The following SMTN variants were observed in gnomAD, a reference collection of about 807,000 sequenced individuals.
SMTN encodes the protein smoothelin.
Under a neutral mutation model 102.0 loss-of-function variants are expected in SMTN, and 58 were observed. That is an observed-to-expected ratio of 0.57 (90% CI 0.46 to 0.71). The LOEUF is 0.71. Among genes scored for constraint, SMTN ranks in the 30% least tolerant of loss-of-function variants. The pLI, the probability that SMTN is intolerant of heterozygous loss-of-function variation, is 0.00. For missense variants in SMTN, 1,185 were observed against 1,241.7 expected (o/e 0.95, Z 0.69); for synonymous variants, 478 against 497.9 (o/e 0.96, Z 0.53).
intron 11 of SMTN, chr22:31,093,410 G>T: frequency 2.2e-6 from 1 of 445,308 alleles, no homozygotes; most frequent in South Asian, 2.1e-5. Flanking sequence ...CCCTGCCACT[G>T]CCCCACCATT....
intron 2 of SMTN, among the ~76,000 whole-genome samples, chr22:31,085,974 C>G (rs556536385): frequency 6.6e-6 from 1 of 152,338 alleles, no homozygotes; most frequent in Non-Finnish European, 1.5e-5. Context: ...GAATGGGGAC[C>G]TAGGAGACAA....
Position 31,091,842 on chromosome 22 carries a change from A to G in SMTN, c.1627A>G (p.Ile543Val). ...APPSSRGGCS[I>V]KMEAEPAEPL... Reference sequence around the variant, plus strand: ...CCCCAGTAGCCGAGGAGGCTGCAGCATCAAGGTGAGCCCCTCCTCACCCCA... The same window carrying G: ...CCCCAGTAGCCGAGGAGGCTGCAGCGTCAAGGTGAGCCCCTCCTCACCCCA... Residue 543 changes from isoleucine to valine, a missense_variant, in exon 11 of 21, where the codon ATC (isoleucine) becomes GTC (valine). By Grantham distance (29) the Ile-to-Val change is conservative. This residue lies in a region of SMTN where 1,096 missense variants were observed against 1,112.7 expected (regional missense o/e 0.98). Transcript: ENST00000333137. The G allele has an allele frequency of 6.3e-7, 1 of 1,584,782 alleles. No homozygotes were observed. The highest frequency in any genetic ancestry group is 2.3e-5 in the East Asian group (1 of 43,364).
In SMTN at chr22:31,099,468, G is replaced by A. The variant is rs1223628082; in HGVS notation, c.2452-277G>A. On this transcript the variant is annotated intron_variant, in intron 18 of 20. Transcript: ENST00000333137. ...CTTGTTGCTCTGTAGGAGGCCCTGA[G>A]TCAATTTCTCTAAATGAGGGAAGGA... 6.3e-5 allele frequency: 37 copies of A among 584,986 alleles called. No individual in the cohort carries two copies. The South Asian group carries it at 7.7e-4, about 12-fold the overall frequency. 36.2% of individuals were successfully genotyped at this position (584,986 alleles called of 1,614,324 possible).
In SMTN at chr22:31,081,320, A is replaced by C. The variant is rs1255436699; in HGVS notation, c.-217A>C. The C allele has an allele frequency of 1.3e-5, 2 of 152,270 alleles. No individual in the cohort carries two copies. Among genetic ancestry groups the C allele is most frequent in the African/African-American group, 4.8e-5 (2 of 41,446 alleles). The allele number at this position is 152,270 out of a possible 1,614,324, so 9.4% of individuals were successfully genotyped here. A position where few individuals can be genotyped will look rare whatever the true frequency, so the allele number is the denominator to read the frequency against. On this transcript the variant is annotated 5_prime_UTR_variant, in exon 1 of 21. Transcript: ENST00000333137. ...CGCGGCTGGACGGGCAGCTCTCCGC[A>C]GAATCCAGGGGACGGTTGCTGAGCG...
rs369965551 is a variant in SMTN at position 31,088,544 on chromosome 22, G to T, written c.232G>T (p.Ala78Ser). 4 of 1,613,606 alleles carry T rather than the reference G, an allele frequency of 2.5e-6. No homozygotes were observed. The African/African-American group carries it at 5.3e-5, about 22-fold the overall frequency. Residue 78 changes from alanine to serine, a missense_variant, in exon 4 of 21, where the codon GCC becomes TCC. Ala to Ser is a moderately conservative substitution (Grantham distance 99, BLOSUM62 1). This residue lies in a region of SMTN where 1,096 missense variants were observed against 1,112.7 expected (regional missense o/e 0.98). Transcript: ENST00000333137. ...GCAGCGGGAAGCTGAGCAGCGGGCTGCCCTGGCACGGCTGGCAGGGCAGCT... is the reference window on the plus strand; with the variant it reads ...GCAGCGGGAAGCTGAGCAGCGGGCTTCCCTGGCACGGCTGGCAGGGCAGCT... ...SQQREAEQRA[A>S]LARLAGQLES... is the part of the protein sequence containing the mutation.
chr22:31,079,136 C>T (rs1035602581), upstream of SMTN, among the ~76,000 whole-genome samples: 4 of 152,346 alleles, frequency 2.6e-5, no homozygotes, highest in African/African-American at 9.6e-5. Context: ...GGGAGCCCCA[C>T]GTCTGACATG....
At chr22:31,091,963 C>T (rs957868488) in intron 11 of SMTN, 116 bp downstream of exon 11, 7 of 1,056,534 alleles carry the variant, frequency 6.6e-6, no homozygotes, top group African/African-American at 3.2e-5. Context: ...ACAGAGAAAC[C>T]GAGGCCCAGA....
intron 17 of SMTN, 66 bp downstream of exon 17, chr22:31,098,906 G>C: frequency 6.4e-7 from 1 of 1,556,138 alleles, no homozygotes; most frequent in Non-Finnish European, 8.7e-7. Flanking sequence ...GGCGGGGCTT[G>C]ATAGTTGGCC....
intron 11 of SMTN, chr22:31,093,822 T>C: frequency 6.3e-7 from 1 of 1,592,706 alleles, no homozygotes; most frequent in Non-Finnish European, 8.5e-7. Flanking sequence ...CCCACCCACC[T>C]GCCTTCAGCA....
chr22:31,064,661 G>A (rs2041800791), intron 1 of SMTN: 1 of 151,990 alleles, frequency 6.6e-6, no homozygotes, highest in Non-Finnish European at 1.5e-5. Context: ...CCTAGCTATA[G>A]TTTTCAAAAT....
At chr22:31,097,611 C>T (rs2043698500) in intron 16 of SMTN, among the ~76,000 whole-genome samples, 2 of 151,872 alleles carry the variant, frequency 1.3e-5, no homozygotes, top group Admixed American at 1.3e-4. Context: ...GGCCGAGGCA[C>T]AAGAATCACT....
upstream of SMTN, among the ~76,000 whole-genome samples, chr22:31,076,355 C>G (rs577476275): frequency 7.2e-5 from 11 of 152,346 alleles, no homozygotes; most frequent in East Asian, 2.1e-3. Context: ...CCGCTGTCTA[C>G]AGGTCTTCAT....
intron 1 of SMTN, among the ~76,000 whole-genome samples, chr22:31,074,627 TA>T (rs1223361259): frequency 6.6e-6 from 1 of 152,048 alleles, no homozygotes; most frequent in African/African-American, 2.4e-5. Context: ...CTGTCTCTAC[TA>T]AAAATATATA....
At chr22:31,078,504 AG>A (rs1334915307), upstream of SMTN, among the ~76,000 whole-genome samples, 1 of 152,228 alleles carries the variant, frequency 6.6e-6, no homozygotes, top group Non-Finnish European at 1.5e-5. Flanking sequence ...CTCATTTTAC[AG>A]GGGGCAGGCT....
chr22:31,091,568 C>G, intron 10 of SMTN, 86 bp downstream of exon 10: 1 of 1,508,520 alleles, frequency 6.6e-7, no homozygotes, highest in Non-Finnish European at 8.9e-7. Flanking sequence ...GGCCAGGACT[C>G]AGGGTGTCTC....
chr22:31,077,865 T>G (rs1052564572), upstream of SMTN, among the ~76,000 whole-genome samples: 2 of 152,192 alleles, frequency 1.3e-5, no homozygotes, highest in Non-Finnish European at 2.9e-5. Context: ...TCCCAGCAGG[T>G]CCTCAGTCCC....
chr22:31,104,221 C>A, intron 20 of SMTN, 95 bp from the exon 21 acceptor site: 1 of 1,393,194 alleles, frequency 7.2e-7, no homozygotes, highest in South Asian at 1.3e-5. Context: ...GAAAGACCAG[C>A]AGGCAATGCG....
intron 10 of SMTN, 64 bp downstream of exon 10, chr22:31,091,546 G>T: frequency 1.3e-6 from 2 of 1,508,152 alleles, no homozygotes; most frequent in Non-Finnish European, 1.8e-6. Context: ...CTGCATGCAG[G>T]ACAGGTGCTG....
chr22:31,096,409 C>G (rs901964306), intron 13 of SMTN: 1 of 264,376 alleles, frequency 3.8e-6, no homozygotes, highest in Admixed American at 5.2e-5. Context: ...TCAGCTACCC[C>G]CTCACTAGAT....
Sources: gnomAD v4.1 joint callset for allele counts (sites outside exome capture counted in the v4.1 genomes callset) on GRCh38, gnomAD v4.1.1 for gene constraint, gnomAD v4.1.1 regional missense constraint, MANE v1.5 for transcripts, NCBI Gene and HGNC (gene_info 2026-07-23, HGNC 2026-07-21) for gene names.